Variants in PIK3C2G observed in about 807,000 individuals in gnomAD.
PIK3C2G encodes phosphatidylinositol-4-phosphate 3-kinase catalytic subunit type 2 gamma, also known as phosphatidylinositol 3-kinase C2 domain-containing subunit gamma.
PIK3C2G carries 168 observed loss-of-function variants against 181.1 expected under a neutral mutation model. The ratio of observed to expected loss-of-function variants is 0.93; its 90% confidence interval spans 0.82 to 1.05. The LOEUF (loss-of-function observed/expected upper bound fraction) is 1.05, where lower values mean the gene tolerates loss of function less well. Among genes scored for constraint, PIK3C2G ranks in the 50% least tolerant of loss-of-function variants. The pLI is 0.00. For synonymous variants in PIK3C2G, 573 were observed against 592.2 expected, an observed-to-expected ratio of 0.97 and a Z score of 0.47; for missense variants, 1,869 against 1,732.8, an observed-to-expected ratio of 1.08 and a Z score of -1.40.
At chr12:18,552,350 A>C (rs1192539149) in intron 26 of PIK3C2G, among the ~76,000 whole-genome samples, 1 of 152,178 alleles carries the variant, frequency 6.6e-6, no homozygotes, top group African/African-American at 2.4e-5. Flanking sequence ...AAACTGAGAA[A>C]TAGCATGAGA....
Position 18,371,170 on chromosome 12 carries a change from T to C in PIK3C2G, c.1749-10T>C, listed in dbSNP as rs1355013663. On this transcript the variant is annotated splice_polypyrimidine_tract_variant and intron_variant, in intron 12 of 32. Transcript: ENST00000538779. Reference sequence around the variant, plus strand: ...GGGTAGGTAATGCTTCTTCTTTCTTTTATTCTCAGGATCAATTTTCCCCTT... The same window carrying C: ...GGGTAGGTAATGCTTCTTCTTTCTTCTATTCTCAGGATCAATTTTCCCCTT... The C allele has an allele frequency of 2.5e-6, 4 of 1,598,404 alleles. No individual in the cohort carries two copies. The East Asian group carries it at 6.7e-5, about 27-fold the overall frequency.
the PIK3C2G span, among the ~76,000 whole-genome samples, chr12:18,662,946 A>G: frequency 6.6e-6 from 1 of 152,270 alleles, no homozygotes; most frequent in East Asian, 1.9e-4. Context: ...AACAATTAGG[A>G]CTATAAAAGC....
intron 15 of PIK3C2G, among the ~76,000 whole-genome samples, chr12:18,392,608 C>T (rs895428582): frequency 8.8e-5 from 13 of 148,368 alleles, no homozygotes; most frequent in Non-Finnish European, 2.0e-4. Context: ...CCTTCTTTGG[C>T]CACTCTATGT....
intron 28 of PIK3C2G, among the ~76,000 whole-genome samples, chr12:18,563,989 G>A (rs1945484666): frequency 6.7e-6 from 1 of 150,194 alleles, no homozygotes; most frequent in East Asian, 1.9e-4. Context: ...TTCAATACCA[G>A]AAAAAATGTA....
intron 16 of PIK3C2G, among the ~76,000 whole-genome samples, chr12:18,414,125 G>C (rs763894645): frequency 4.3e-4 from 66 of 152,060 alleles, no homozygotes; most frequent in Non-Finnish European, 9.0e-4. Flanking sequence ...AAAATTTTAA[G>C]GCAACTAAAA....
chr12:18,394,004 C>T (rs61914528), intron 15 of PIK3C2G, among the ~76,000 whole-genome samples: 19,461 of 152,010 alleles, frequency 0.13, 1,271 homozygotes, highest in African/African-American at 0.16. Flanking sequence ...CTAAACTACT[C>T]AACTTTCCAG....
chr12:18,466,810 A>G (rs1397232162), intron 18 of PIK3C2G, among the ~76,000 whole-genome samples: 1 of 152,002 alleles, frequency 6.6e-6, no homozygotes, highest in African/African-American at 2.4e-5. Context: ...GATAATCACC[A>G]TTACCCTTCT....
chr12:18,290,912 C>T lies in PIK3C2G; in HGVS notation c.819C>T (p.Ser273=), dbSNP rs979475035. 1.3e-6 allele frequency: 2 copies of T among 1,593,236 alleles called. No homozygotes were observed. Among genetic ancestry groups the T allele is most frequent in the Non-Finnish European group, 1.7e-6 (2 of 1,161,208 alleles). Residue 273 remains serine (S), a synonymous_variant, in exon 4 of 33, where the codon AGC becomes AGT. Coordinates refer to ENST00000538779, the MANE Select transcript of PIK3C2G (RefSeq NM_001288772.2). ...DVNFNSGKIW[S]TTTAFPYQLF... is the part of the protein sequence containing the mutation. ...ATTTCAATTCTGGGAAGATCTGGAG[C>T]ACTACTACAGCATTTCCGTATCAGC...
At chr12:18,243,541 T>C (rs571212987), upstream of PIK3C2G, among the ~76,000 whole-genome samples, 221 of 152,056 alleles carry the variant, frequency 1.5e-3, no homozygotes, top group African/African-American at 5.2e-3. Context: ...ATTAAAAACA[T>C]TTTAATCACA....
At chr12:18,656,199 C>A in the PIK3C2G span, among the ~76,000 whole-genome samples, 131,893 of 152,100 alleles carry the variant, frequency 0.87, 57,269 homozygotes, top group East Asian at 0.95. Context: ...GAAGTTGAGA[C>A]GGAAGCATCA....
chr12:18,625,823 A>G (rs1052466146), intron 31 of PIK3C2G, among the ~76,000 whole-genome samples: 1 of 151,820 alleles, frequency 6.6e-6, no homozygotes, highest in Admixed American at 6.6e-5. Context: ...TTTGTCTGAT[A>G]TAAGTATTGC....
At chr12:18,439,161 T>C (rs1005648051) in intron 18 of PIK3C2G, among the ~76,000 whole-genome samples, 5 of 151,998 alleles carry the variant, frequency 3.3e-5, no homozygotes, top group Non-Finnish European at 7.4e-5. Context: ...GAAAAATCAC[T>C]GTATAAACAA....
chr12:18,411,070 T>C (rs1370808515), intron 16 of PIK3C2G, among the ~76,000 whole-genome samples: 1 of 152,168 alleles, frequency 6.6e-6, no homozygotes, highest in Non-Finnish European at 1.5e-5. Context: ...TTCATTATTA[T>C]TCCTGTTATA....
chr12:18,310,560 G>C (rs1247230650), intron 5 of PIK3C2G, among the ~76,000 whole-genome samples: 1 of 151,812 alleles, frequency 6.6e-6, no homozygotes, highest in Non-Finnish European at 1.5e-5. Context: ...GTCATATAAA[G>C]CTCTAAATTT....
intron 31 of PIK3C2G, among the ~76,000 whole-genome samples, chr12:18,612,874 A>G (rs1187970970): frequency 6.6e-6 from 1 of 152,214 alleles, no homozygotes; most frequent in Admixed American, 6.5e-5. Flanking sequence ...TCTGAGAGTT[A>G]CTTTCCTCCT....
At chr12:18,700,538 A>AAAAAAAAAAGG in the PIK3C2G span, among the ~76,000 whole-genome samples, 1 of 135,918 alleles carries the variant, frequency 7.4e-6, no homozygotes, top group Non-Finnish European at 1.5e-5. Context: ...AAAAAAAAAT[A>AAAAAAAAAAGG]GTTGCTCTGC....
At chr12:18,716,803 A>AT in the PIK3C2G span, among the ~76,000 whole-genome samples, 2 of 152,182 alleles carry the variant, frequency 1.3e-5, no homozygotes, top group Non-Finnish European at 2.9e-5. Context: ...AGATTGTGTA[A>AT]TGTTACTATT....
the PIK3C2G span, chr12:18,694,891 G>C: frequency 1.3e-6 from 2 of 1,553,072 alleles, no homozygotes; most frequent in Non-Finnish European, 1.8e-6. Context: ...AAATGTAAAA[G>C]AAAATTTATT....
At chr12:18,665,762 C>G in the PIK3C2G span, among the ~76,000 whole-genome samples, 1 of 152,002 alleles carries the variant, frequency 6.6e-6, no homozygotes, top group Non-Finnish European at 1.5e-5. Context: ...TGGTGAAACT[C>G]CTTCTCTAGT....
Sources: gnomAD v4.1 joint callset for allele counts (sites outside exome capture counted in the v4.1 genomes callset) on GRCh38, gnomAD v4.1.1 for gene constraint, MANE v1.5 for transcripts, NCBI Gene and HGNC (gene_info 2026-07-23, HGNC 2026-07-21) for gene names.